MANBA: variants seen among roughly 807,000 people sequenced by gnomAD.
MANBA encodes mannosidase beta.
MANBA carries 83 observed loss-of-function variants against 111.1 expected under a neutral mutation model. The ratio of observed to expected loss-of-function variants is 0.75; its 90% CI spans 0.63 to 0.90. The LOEUF (loss-of-function observed/expected upper bound fraction) is 0.90. Ranked by LOEUF, MANBA falls within the 40% of genes least tolerant of loss-of-function variation. The pLI, the probability that MANBA is intolerant of heterozygous loss-of-function variation, is 0.00. For synonymous variants in MANBA, 370 were observed against 378.7 expected, an observed-to-expected ratio of 0.98 and a Z score of 0.27; for missense variants, 1,036 against 1,069.0, an observed-to-expected ratio of 0.97 and a Z score of 0.43.
intron 4 of MANBA, among the ~76,000 whole-genome samples, chr4:102,720,707 T>C (rs990780268): frequency 1.3e-5 from 2 of 152,156 alleles, no homozygotes; most frequent in African/African-American, 4.8e-5. Context: ...ATAAATCTTA[T>C]CCAGACTTAT....
intron 5 of MANBA, among the ~76,000 whole-genome samples, chr4:102,705,872 G>A (rs1298995383): frequency 6.6e-6 from 1 of 152,188 alleles, no homozygotes; most frequent in Non-Finnish European, 1.5e-5. Flanking sequence ...CCAGGAGCCT[G>A]AGGACAGGCC....
intron 11 of MANBA, among the ~76,000 whole-genome samples, chr4:102,659,438 A>G (rs537508192): frequency 3.9e-5 from 6 of 152,050 alleles, no homozygotes; most frequent in Non-Finnish European, 5.9e-5. Context: ...CTATTCTGCT[A>G]TTAAGAAAAA....
At chr4:102,737,031 C>G (rs1157714729) in intron 1 of MANBA, among the ~76,000 whole-genome samples, 1 of 152,064 alleles carries the variant, frequency 6.6e-6, no homozygotes, top group South Asian at 2.1e-4. Flanking sequence ...TATAATAGTA[C>G]CGAGAAAAGA....
At chr4:102,681,529 T>C (rs1445822324) in intron 7 of MANBA, 1 of 152,278 alleles carries the variant, frequency 6.6e-6, no homozygotes, top group African/African-American at 2.4e-5. Context: ...AACTAAAATA[T>C]GCACTTACCA....
chr4:102,737,382 G>A (rs1269793280), intron 1 of MANBA, among the ~76,000 whole-genome samples: 2 of 152,188 alleles, frequency 1.3e-5, no homozygotes, highest in South Asian at 2.1e-4. Flanking sequence ...TGCCTGGATA[G>A]GAACTGATAT....
intron 5 of MANBA, among the ~76,000 whole-genome samples, chr4:102,701,544 G>A (rs1733045730): frequency 6.6e-6 from 1 of 152,016 alleles, no homozygotes; most frequent in Admixed American, 6.6e-5. Flanking sequence ...AGCTCTTTTA[G>A]GGCAGGCCTG....
chr4:102,646,418 C>A (rs769793863), intron 13 of MANBA, among the ~76,000 whole-genome samples: 12 of 152,050 alleles, frequency 7.9e-5, no homozygotes, highest in Non-Finnish European at 1.6e-4. Flanking sequence ...TACCTTTTGT[C>A]CTAGTTCTTA....
At chr4:102,633,032 T>C (rs1729459929) in intron 16 of MANBA, among the ~76,000 whole-genome samples, 1 of 152,232 alleles carries the variant, frequency 6.6e-6, no homozygotes, top group Admixed American at 6.6e-5. Flanking sequence ...TCTTACATTA[T>C]ATGTTATGTG....
intron 12 of MANBA, among the ~76,000 whole-genome samples, chr4:102,656,373 A>G (rs1482223637): frequency 6.6e-6 from 1 of 152,228 alleles, no homozygotes; most frequent in Non-Finnish European, 1.5e-5. Flanking sequence ...AAGGATATGC[A>G]AATTTCCTGT....
At chr4:102,637,536 G>C (rs1729684608) in intron 14 of MANBA, among the ~76,000 whole-genome samples, 1 of 152,164 alleles carries the variant, frequency 6.6e-6, no homozygotes, top group Non-Finnish European at 1.5e-5. Flanking sequence ...TTTCTACATG[G>C]TTATCAATCA....
At chr4:102,689,469 G>C in intron 7 of MANBA, 105 bp downstream of exon 7, 1 of 703,982 alleles carries the variant, frequency 1.4e-6, no homozygotes, top group Non-Finnish European at 2.4e-6. Context: ...TGATGGGTGG[G>C]GACACAAGAG....
chr4:102,634,663 A>C, intron 16 of MANBA, 125 bp downstream of exon 16: 1 of 1,304,406 alleles, frequency 7.7e-7, no homozygotes, highest in East Asian at 2.3e-5. Context: ...ATCTTCCCCC[A>C]GGCCTCAGGT....
chr4:102,747,425 C>T (rs1723631010), intron 1 of MANBA, among the ~76,000 whole-genome samples: 1 of 152,172 alleles, frequency 6.6e-6, no homozygotes, highest in Non-Finnish European at 1.5e-5. Flanking sequence ...TTGTGCCCAT[C>T]CAGATTAAAG....
At chr4:102,720,245 G>A (rs1023344077) in intron 4 of MANBA, among the ~76,000 whole-genome samples, 6 of 152,052 alleles carry the variant, frequency 3.9e-5, no homozygotes, top group African/African-American at 1.2e-4. Context: ...GAGCAGCCTG[G>A]CCAACATGGT....
intron 1 of MANBA, among the ~76,000 whole-genome samples, chr4:102,738,960 A>C (rs1425623290): frequency 2.0e-5 from 3 of 152,216 alleles, no homozygotes; most frequent in Non-Finnish European, 2.9e-5. Context: ...TGCAAAATAC[A>C]CTGGAAAGTT....
intron 1 of MANBA, among the ~76,000 whole-genome samples, chr4:102,758,626 T>C (rs1394509719): frequency 2.0e-5 from 3 of 151,014 alleles, no homozygotes; most frequent in Non-Finnish European, 2.9e-5. Context: ...CACTGCAGCC[T>C]CAACCTCCTG....
chr4:102,687,198 T>A (rs545471796), intron 7 of MANBA, among the ~76,000 whole-genome samples: 1 of 152,154 alleles, frequency 6.6e-6, no homozygotes, highest in African/African-American at 2.4e-5. Flanking sequence ...CCTGCTGAGG[T>A]TATATCCTAA....
intron 7 of MANBA, among the ~76,000 whole-genome samples, chr4:102,680,980 A>G (rs1415476152): frequency 6.6e-6 from 1 of 152,206 alleles, no homozygotes; most frequent in Non-Finnish European, 1.5e-5. Context: ...CACACATTTG[A>G]TCTCTGTTTA....
At chr4:102,658,091 C>A (rs1298233648) in intron 11 of MANBA, among the ~76,000 whole-genome samples, 191 bp from the exon 12 acceptor site, 1 of 152,234 alleles carries the variant, frequency 6.6e-6, no homozygotes, top group African/African-American at 2.4e-5. Context: ...TCCTTTATAT[C>A]TTTTCATAAG....
Sources: gnomAD v4.1 joint callset for allele counts (sites outside exome capture counted in the v4.1 genomes callset) on GRCh38, gnomAD v4.1.1 for gene constraint, MANE v1.5 for transcripts, NCBI Gene and HGNC (gene_info 2026-07-23, HGNC 2026-07-21) for gene names.